The following REPS1 variants were observed in gnomAD, a reference collection of about 807,000 sequenced individuals.
REPS1 encodes the protein RALBP1 associated Eps domain containing 1.
Under a neutral mutation model 100.9 loss-of-function variants are expected in REPS1, and 39 were observed. That is an observed-to-expected ratio of 0.39 (90% CI 0.30 to 0.50). REPS1 has a LOEUF of 0.50. Ranked by LOEUF, REPS1 falls within the 20% of genes least tolerant of loss-of-function variation. The probability of loss-of-function intolerance (pLI) is 0.86; values close to 1 mark genes in which losing one functional copy is unlikely to be tolerated. For synonymous variants in REPS1, 324 were observed against 340.3 expected (o/e 0.95, Z 0.53); for missense variants, 821 against 968.5 (o/e 0.85, Z 2.02).
At chr6:138,951,860 C>A (rs2128483843) in intron 1 of REPS1, among the ~76,000 whole-genome samples, 1 of 152,320 alleles carries the variant, frequency 6.6e-6, no homozygotes, top group South Asian at 2.1e-4. Flanking sequence ...CAGCCTCATT[C>A]TTTTAATCTC....
chr6:138,912,537 G>A (rs1052725629), intron 16 of REPS1: 44 of 534,526 alleles, frequency 8.2e-5, no homozygotes, highest in African/African-American at 7.5e-4. Context: ...ACGGCCAGGC[G>A]GTGGTGTCTT....
intron 19 of REPS1, 155 bp downstream of exon 19, chr6:138,907,340 G>GTGTGTGTGTGTGTGTGTGTGT: frequency 2.0e-6 from 1 of 490,432 alleles, no homozygotes; most frequent in Admixed American, 3.3e-5. Context: ...GTGTGTGTGT[G>GTGTGTGTGTGTGTGTGTGTGT]GCGGGGAGGG....
At chr6:138,956,463 C>T (rs1355273303) in intron 1 of REPS1, among the ~76,000 whole-genome samples, 1 of 151,746 alleles carries the variant, frequency 6.6e-6, no homozygotes, top group African/African-American at 2.4e-5. Flanking sequence ...ACCCTACCCT[C>T]CAAACAAAAG....
chr6:138,957,657 A>G (rs1392620295), intron 1 of REPS1, among the ~76,000 whole-genome samples: 1 of 152,194 alleles, frequency 6.6e-6, no homozygotes, highest in Admixed American at 6.5e-5. Flanking sequence ...ACTCCAGATC[A>G]AAGTGCAATG....
rs911190318 is a variant in REPS1, at chr6:138,988,236, G to A, written c.-554C>T. The stretch of plus-strand genomic sequence containing the variant: ...CAGTGCCCCGGCCCGGCCCCGACGC[G>A]CCCGCACCAACAGTGACAGCGGCGG... On this transcript the variant is annotated 5_prime_UTR_variant, in exon 1 of 20. Transcript: ENST00000450536. 13 of 398,292 alleles carry A rather than the reference G, an allele frequency of 3.3e-5. No homozygotes were observed. Among genetic ancestry groups the A allele is most frequent in the South Asian group, 1.3e-4 (1 of 7,860 alleles). The allele number at this position is 398,292 out of a possible 1,614,324, so 24.7% of individuals were successfully genotyped here.
chr6:138,960,169 A>C lies in REPS1; in HGVS notation c.154-12256T>G, dbSNP rs1262955142. On this transcript the variant is annotated intron_variant, in intron 1 of 19. Transcript: ENST00000450536. ...TAAAAAATCTTACCATCTAGAAACA[A>C]ACCCCCTTTTGGTTTAATACCTACA... 2.0e-5 allele frequency among the ~76,000 whole-genome samples: 3 copies of C among 152,170 alleles called. No homozygotes were observed. In the South Asian group the frequency reaches 6.2e-4, roughly 31 times the overall value.
At chr6:138,935,620 C>G (rs62442368) in intron 8 of REPS1, among the ~76,000 whole-genome samples, 1,578 of 151,980 alleles carry the variant, frequency 0.01, 15 homozygotes, top group Non-Finnish European at 0.016. Flanking sequence ...GAATGGAAGA[C>G]CGAGGCAGGC....
chr6:138,941,185 T>C, intron 8 of REPS1, 150 bp downstream of exon 8: 1 of 789,164 alleles, frequency 1.3e-6, no homozygotes, highest in Non-Finnish European at 2.0e-6. Flanking sequence ...GCTTGGCCCA[T>C]ACATCCTATT....
intron 12 of REPS1, 123 bp from the exon 13 acceptor site, chr6:138,917,750 G>A: frequency 1.4e-6 from 1 of 705,806 alleles, no homozygotes; most frequent in Non-Finnish European, 2.4e-6. Flanking sequence ...TGGCTAATAG[G>A]CTAACAGTTC....
At chr6:138,957,299 C>A (rs910469082) in intron 1 of REPS1, among the ~76,000 whole-genome samples, 1 of 151,996 alleles carries the variant, frequency 6.6e-6, no homozygotes, top group African/African-American at 2.4e-5. Flanking sequence ...TTAGAAATGG[C>A]GGAGAAGTGT....
chr6:138,939,537 A>C (rs185210840), intron 8 of REPS1, among the ~76,000 whole-genome samples: 2 of 152,354 alleles, frequency 1.3e-5, no homozygotes, highest in Non-Finnish European at 2.9e-5. Context: ...ACTGACAAAT[A>C]TAACAGACGA....
At chr6:138,949,641 A>G (rs1243717454) in intron 1 of REPS1, among the ~76,000 whole-genome samples, 1 of 152,052 alleles carries the variant, frequency 6.6e-6, no homozygotes, top group Non-Finnish European at 1.5e-5. Flanking sequence ...TGAGAGGATC[A>G]TTTGAACTCG....
chr6:138,927,485 A>G (rs564398974), intron 9 of REPS1: 1 of 152,326 alleles, frequency 6.6e-6, no homozygotes, highest in Admixed American at 6.5e-5. Flanking sequence ...ATCTACACAC[A>G]TACAATGTAT....
intron 9 of REPS1, chr6:138,929,361 A>C (rs549733478): frequency 1.3e-5 from 2 of 152,294 alleles, no homozygotes; most frequent in East Asian, 3.9e-4. Context: ...GGAATTTCAA[A>C]TAAATTGGGG....
intron 10 of REPS1, among the ~76,000 whole-genome samples, chr6:138,924,788 A>G (rs1780993433): frequency 1.3e-5 from 2 of 152,318 alleles, no homozygotes; most frequent in East Asian, 3.9e-4. Context: ...TTCCTAAGAG[A>G]TCTTAATTAT....
chr6:138,917,762 T>C, intron 12 of REPS1, 135 bp from the exon 13 acceptor site: 1 of 643,818 alleles, frequency 1.6e-6, no homozygotes, highest in Admixed American at 2.8e-5. Flanking sequence ...TAACAGTTCA[T>C]CCTAGTGTTA....
rs540491812 is a variant in REPS1 at position 138,987,932 on chromosome 6, A to ACGGCTCCGGCTCCGGCTC, written c.-268_-251dup. ...CGCGGCTGCGGCTGCGGCTGCGACT[A>ACGGCTCCGGCTCCGGCTC]CGGCTCCGGCTCCGGCTCCGGCTCC... On this transcript the variant is annotated 5_prime_UTR_variant, in exon 1 of 20. Coordinates refer to ENST00000450536, the MANE Select transcript of REPS1 (RefSeq NM_001286611.2). The ACGGCTCCGGCTCCGGCTC allele has an allele frequency of 3.5e-4, 129 of 373,180 alleles. No individual in the cohort carries two copies. Among genetic ancestry groups the ACGGCTCCGGCTCCGGCTC allele is most frequent in the Non-Finnish European group, 3.3e-4 (70 of 213,010 alleles). 23.1% of individuals were successfully genotyped at this position (373,180 alleles called of 1,614,324 possible).
chr6:138,918,700 C>T (rs1056718461), intron 12 of REPS1, among the ~76,000 whole-genome samples: 1 of 152,118 alleles, frequency 6.6e-6, no homozygotes, highest in Non-Finnish European at 1.5e-5. Flanking sequence ...AAAAATTTGA[C>T]ATGGGAATAA....
intron 1 of REPS1, among the ~76,000 whole-genome samples, chr6:138,962,124 A>G (rs575886389): frequency 6.6e-6 from 1 of 152,210 alleles, no homozygotes; most frequent in South Asian, 2.1e-4. Context: ...ACCTACTTGC[A>G]TCTTCTGTCC....
Sources: gnomAD v4.1 joint callset for allele counts (sites outside exome capture counted in the v4.1 genomes callset) on GRCh38, gnomAD v4.1.1 for gene constraint, MANE v1.5 for transcripts, NCBI Gene and HGNC (gene_info 2026-07-23, HGNC 2026-07-21) for gene names.